The following RPS6KC1 variants were observed in gnomAD, a reference collection of about 807,000 sequenced individuals.
RPS6KC1 encodes the protein inactive ribosomal protein S6 kinase delta-1.
In RPS6KC1, 54 loss-of-function variants were observed where a neutral mutation model predicts 103.8. The observed-to-expected ratio is 0.52, with a 90% confidence interval of 0.42 to 0.65. RPS6KC1 has a LOEUF of 0.65. Among genes scored for constraint, RPS6KC1 ranks in the 30% least tolerant of loss-of-function variants. RPS6KC1 has a pLI of 0.00. For synonymous variants in RPS6KC1, 439 were observed against 438.7 expected (o/e 1.00, Z -0.01); for missense variants, 1,151 against 1,253.8 (o/e 0.92, Z 1.24).
the RPS6KC1 span, among the ~76,000 whole-genome samples, chr1:213,734,569 G>A: frequency 0.014 from 2,104 of 152,278 alleles, 23 homozygotes; most frequent in Non-Finnish European, 0.021. Flanking sequence ...CTTTATTAAG[G>A]CTGTGCAGTA....
the RPS6KC1 span, among the ~76,000 whole-genome samples, chr1:213,854,554 T>TTCTTTCTTTCTTTC: frequency 9.6e-4 from 104 of 108,464 alleles, no homozygotes; most frequent in South Asian, 5.2e-3. Context: ...CTTTCTTTCT[T>TTCTTTCTTTCTTTC]TCTTTCTTTC....
At chr1:213,533,278 C>T in the RPS6KC1 span, among the ~76,000 whole-genome samples, 2 of 152,102 alleles carry the variant, frequency 1.3e-5, no homozygotes, top group Non-Finnish European at 2.9e-5. Flanking sequence ...CTGACTTTGA[C>T]TGACTTGGAC....
At chr1:213,825,004 TG>T in the RPS6KC1 span, among the ~76,000 whole-genome samples, 1 of 152,154 alleles carries the variant, frequency 6.6e-6, no homozygotes, top group Non-Finnish European at 1.5e-5. Context: ...GCCCCCTCCC[TG>T]GCAGTGCTAG....
chr1:213,285,343 A>T, the RPS6KC1 span, among the ~76,000 whole-genome samples: 4 of 8,034 alleles, frequency 5.0e-4, no homozygotes, highest in East Asian at 0.25. Flanking sequence ...ATGCTGTCAT[A>T]CTGGGGGGTA....
chr1:213,328,668 G>A, the RPS6KC1 span, among the ~76,000 whole-genome samples: 1 of 151,502 alleles, frequency 6.6e-6, no homozygotes, highest in East Asian at 2.0e-4. Flanking sequence ...GAATAAAAGG[G>A]GAGAGGAGAA....
chr1:213,366,050 A>G, the RPS6KC1 span, among the ~76,000 whole-genome samples: 1 of 152,212 alleles, frequency 6.6e-6, no homozygotes, highest in Non-Finnish European at 1.5e-5. Context: ...TACCTGGAGA[A>G]GGCTGGATGA....
the RPS6KC1 span, among the ~76,000 whole-genome samples, chr1:213,603,417 A>C: frequency 6.6e-6 from 1 of 152,226 alleles, no homozygotes; most frequent in Non-Finnish European, 1.5e-5. Flanking sequence ...TAGGACCAGG[A>C]ACCATGAGAA....
intron 2 of RPS6KC1, among the ~76,000 whole-genome samples, chr1:213,074,197 G>A (rs1205073689): frequency 1.3e-5 from 2 of 152,154 alleles, no homozygotes; most frequent in Admixed American, 1.3e-4. Flanking sequence ...GTGTTATTAA[G>A]TGTAATTATC....
the RPS6KC1 span, among the ~76,000 whole-genome samples, chr1:213,352,977 G>A: frequency 6.6e-6 from 1 of 152,238 alleles, no homozygotes; most frequent in Non-Finnish European, 1.5e-5. Flanking sequence ...CCAGGTGAAT[G>A]CATGGGGAGA....
At chr1:213,793,717 G>A in the RPS6KC1 span, among the ~76,000 whole-genome samples, 2 of 152,142 alleles carry the variant, frequency 1.3e-5, no homozygotes, top group African/African-American at 2.4e-5. Context: ...GGCTCTGAAC[G>A]CCTCGCCAGT....
chr1:213,509,473 T>C, the RPS6KC1 span, among the ~76,000 whole-genome samples: 337 of 152,350 alleles, frequency 2.2e-3, 2 homozygotes, highest in South Asian at 9.3e-3. Context: ...ATAATTATTC[T>C]GTAATGAAAA....
chr1:213,637,648 G>A, the RPS6KC1 span, among the ~76,000 whole-genome samples: 10 of 152,058 alleles, frequency 6.6e-5, no homozygotes, highest in South Asian at 2.1e-4. Flanking sequence ...GTACGAAACC[G>A]TGAAACTATT....
the RPS6KC1 span, among the ~76,000 whole-genome samples, chr1:213,602,241 C>T: frequency 4.1e-5 from 5 of 120,868 alleles, no homozygotes; most frequent in Admixed American, 4.7e-4. Context: ...TCCTTCCTCT[C>T]TTTCTCTCTC....
Position 213,129,508 on chromosome 1 carries a change from A to G in RPS6KC1, c.473-19A>G. 2.5e-6 allele frequency: 4 copies of G among 1,577,412 alleles called. No individual in the cohort carries two copies. The highest frequency in any genetic ancestry group is 3.4e-6 in the Non-Finnish European group (4 of 1,163,812). ...ATTCTCAATTTAATATCTGTTTACTATTGTGATCATATTTCTAGGCTTCTC... is the reference window on the plus strand; with the variant it reads ...ATTCTCAATTTAATATCTGTTTACTGTTGTGATCATATTTCTAGGCTTCTC... On this transcript the variant is annotated intron_variant, in intron 5 of 14. Coordinates refer to ENST00000366960, the MANE Select transcript of RPS6KC1 (RefSeq NM_012424.6).
At chr1:213,398,840 C>T in the RPS6KC1 span, among the ~76,000 whole-genome samples, 2 of 152,074 alleles carry the variant, frequency 1.3e-5, no homozygotes, top group African/African-American at 4.8e-5. Flanking sequence ...AGACATTAGA[C>T]TTAGAGTTAC....
At chr1:213,661,716 A>G in the RPS6KC1 span, among the ~76,000 whole-genome samples, 1 of 152,214 alleles carries the variant, frequency 6.6e-6, no homozygotes, top group Non-Finnish European at 1.5e-5. Context: ...TCTTACACAA[A>G]TAGTGTTTAT....
chr1:213,808,705 G>C, the RPS6KC1 span, among the ~76,000 whole-genome samples: 1 of 152,246 alleles, frequency 6.6e-6, no homozygotes, highest in African/African-American at 2.4e-5. Flanking sequence ...GACTAGGAAA[G>C]GGAACTCCCT....
At chr1:213,356,090 C>G in the RPS6KC1 span, among the ~76,000 whole-genome samples, 7 of 152,270 alleles carry the variant, frequency 4.6e-5, no homozygotes, top group Admixed American at 6.5e-5. Context: ...GGGGATAGAA[C>G]TCCAAAGATA....
chr1:213,288,149 G>T, the RPS6KC1 span, among the ~76,000 whole-genome samples: 1 of 152,162 alleles, frequency 6.6e-6, no homozygotes, highest in Non-Finnish European at 1.5e-5. Flanking sequence ...GGAGAAACCT[G>T]CCAGGTGGAC....
Sources: allele counts gnomAD v4.1 joint callset (sites outside exome capture counted in the v4.1 genomes callset), GRCh38; gene constraint gnomAD v4.1.1; transcripts MANE v1.5; gene names NCBI Gene and HGNC (gene_info 2026-07-23, HGNC 2026-07-21).